The following TMEFF2 variants were observed in gnomAD, a reference collection of about 807,000 sequenced individuals.
TMEFF2 encodes the protein transmembrane protein with EGF like and two follistatin like domains 2.
Under a neutral mutation model 53.8 loss-of-function variants are expected in TMEFF2, and 28 were observed. The observed-to-expected ratio is 0.52, with a 90% CI of 0.39 to 0.71. The LOEUF (loss-of-function observed/expected upper bound fraction) is 0.71. Among genes scored for constraint, TMEFF2 ranks in the 30% least tolerant of loss-of-function variants. The pLI is 0.00. For synonymous variants in TMEFF2, 162 were observed against 166.3 expected, an observed-to-expected ratio of 0.97 and a Z score of 0.20; for missense variants, 353 against 455.2, an observed-to-expected ratio of 0.78 and a Z score of 2.04.
chr2:192,155,012 G>A (rs1690474038), intron 4 of TMEFF2, among the ~76,000 whole-genome samples: 2 of 151,648 alleles, frequency 1.3e-5, no homozygotes, highest in Non-Finnish European at 1.5e-5. Flanking sequence ...GTTGGATATC[G>A]ATATTTCTTT....
At chr2:192,075,310 T>TATATATATATATATATAAATATAA (rs1688398585) in intron 4 of TMEFF2, among the ~76,000 whole-genome samples, 38 of 74,884 alleles carry the variant, frequency 5.1e-4, no homozygotes, top group Non-Finnish European at 8.1e-4. Flanking sequence ...TATATATATA[T>TATATATATATATATATAAATATAA]ATATATATAT....
intron 4 of TMEFF2, among the ~76,000 whole-genome samples, chr2:192,152,259 G>T (rs758331819): frequency 6.6e-6 from 1 of 151,864 alleles, no homozygotes; most frequent in African/African-American, 2.4e-5. Flanking sequence ...CTAAATGCAA[G>T]GTTTGAATCC....
At chr2:191,984,475 T>C (rs1261968686) in intron 7 of TMEFF2, among the ~76,000 whole-genome samples, 1 of 152,102 alleles carries the variant, frequency 6.6e-6, no homozygotes, top group Non-Finnish European at 1.5e-5. Context: ...TTTCTATTCA[T>C]TGAGAAAAAA....
intron 4 of TMEFF2, among the ~76,000 whole-genome samples, chr2:192,160,830 T>C (rs1450424225): frequency 1.3e-5 from 2 of 152,166 alleles, no homozygotes; most frequent in Non-Finnish European, 2.9e-5. Flanking sequence ...TTATGCATTA[T>C]AGTAAACTGG....
At chr2:192,149,028 C>T (rs1690321539) in intron 4 of TMEFF2, among the ~76,000 whole-genome samples, 2 of 151,940 alleles carry the variant, frequency 1.3e-5, no homozygotes, top group African/African-American at 4.8e-5. Flanking sequence ...CGAGAAGAAA[C>T]AAGAGAATGG....
At chr2:192,136,075 CCTGTTTGGTGGT>C (rs1265041989) in intron 4 of TMEFF2, among the ~76,000 whole-genome samples, 1 of 152,146 alleles carries the variant, frequency 6.6e-6, no homozygotes, top group African/African-American at 2.4e-5. Context: ...TCACACAAAG[CCTGTTTGGTGGT>C]CTCTTCACAC....
chr2:192,008,576 G>A (rs1574287382), intron 5 of TMEFF2, among the ~76,000 whole-genome samples: 2 of 152,292 alleles, frequency 1.3e-5, no homozygotes, highest in East Asian at 3.9e-4. Flanking sequence ...TGATCACAGA[G>A]AAGTGCGGTC....
At chr2:192,168,829 T>A (rs1191382520) in intron 4 of TMEFF2, among the ~76,000 whole-genome samples, 1 of 152,114 alleles carries the variant, frequency 6.6e-6, no homozygotes, top group Non-Finnish European at 1.5e-5. Flanking sequence ...TTTTAAATTT[T>A]ATTTTTTTGT....
intron 5 of TMEFF2, among the ~76,000 whole-genome samples, chr2:192,025,814 G>A (rs1233280839): frequency 6.6e-6 from 1 of 152,166 alleles, no homozygotes; most frequent in Non-Finnish European, 1.5e-5. Flanking sequence ...TGATCCACAA[G>A]GGGGAGATAC....
At chr2:192,156,136 A>G (rs1690501608) in intron 4 of TMEFF2, among the ~76,000 whole-genome samples, 1 of 152,050 alleles carries the variant, frequency 6.6e-6, no homozygotes, top group African/African-American at 2.4e-5. Flanking sequence ...GGAAACAGAT[A>G]TGGAAAACAG....
At chr2:191,969,947 G>A (rs1692587036) in intron 7 of TMEFF2, among the ~76,000 whole-genome samples, 1 of 152,104 alleles carries the variant, frequency 6.6e-6, no homozygotes, top group East Asian at 1.9e-4. Context: ...AATTTTATAG[G>A]TTTTGCTAAA....
At chr2:191,972,148 GTTT>G (rs68101125) in intron 7 of TMEFF2, among the ~76,000 whole-genome samples, 4 of 136,484 alleles carry the variant, frequency 2.9e-5, no homozygotes, top group Admixed American at 7.4e-5. Context: ...GTGTTTTTTT[GTTT>G]TTTTTTTTTT....
intron 4 of TMEFF2, among the ~76,000 whole-genome samples, chr2:192,094,217 G>A (rs544326593): frequency 2.0e-5 from 3 of 152,296 alleles, no homozygotes; most frequent in Admixed American, 6.5e-5. Flanking sequence ...CTTAGACTGA[G>A]AGGGTTGAGT....
At chr2:192,136,550 G>C (rs993504856) in intron 4 of TMEFF2, among the ~76,000 whole-genome samples, 1 of 152,104 alleles carries the variant, frequency 6.6e-6, no homozygotes, top group East Asian at 1.9e-4. Flanking sequence ...TGAGTGTATA[G>C]TAGTATTACC....
intron 4 of TMEFF2, among the ~76,000 whole-genome samples, chr2:192,104,424 A>G (rs1263216361): frequency 6.6e-6 from 1 of 152,160 alleles, no homozygotes; most frequent in African/African-American, 2.4e-5. Flanking sequence ...TAATGTCTCA[A>G]GACATAGGTC....
At chr2:191,957,473 G>T (rs901146818) in intron 7 of TMEFF2, among the ~76,000 whole-genome samples, 1 of 151,986 alleles carries the variant, frequency 6.6e-6, no homozygotes, top group African/African-American at 2.4e-5. Flanking sequence ...TCCATATAAG[G>T]GTATAGGTTT....
At chr2:191,958,286 G>A (rs548634152) in intron 7 of TMEFF2, among the ~76,000 whole-genome samples, 5 of 152,122 alleles carry the variant, frequency 3.3e-5, no homozygotes, top group Admixed American at 2.6e-4. Context: ...CAAACTATTC[G>A]ACACTTCTAT....
chr2:192,096,670 C>CTCTTT, intron 4 of TMEFF2, among the ~76,000 whole-genome samples: 10 of 53,684 alleles, frequency 1.9e-4, no homozygotes, highest in African/African-American at 1.3e-3. Flanking sequence ...CTCTCTCTCT[C>CTCTTT]TTTTTTTTTT....
intron 7 of TMEFF2, among the ~76,000 whole-genome samples, chr2:191,990,696 T>C: frequency 6.6e-6 from 1 of 151,270 alleles, no homozygotes; most frequent in East Asian, 2.0e-4. Flanking sequence ...TCGTCTTCCA[T>C]GCTAAATAGA....
Sources: allele counts gnomAD v4.1 joint callset (sites outside exome capture counted in the v4.1 genomes callset), GRCh38; gene constraint gnomAD v4.1.1; transcripts MANE v1.5; gene names NCBI Gene and HGNC (gene_info 2026-07-23, HGNC 2026-07-21).